MARCHF10: variants seen among roughly 807,000 people sequenced by gnomAD.
MARCHF10 encodes membrane associated ring-CH-type finger 10, also known as probable E3 ubiquitin-protein ligase MARCHF10.
Under a neutral mutation model 76.2 loss-of-function variants are expected in MARCHF10, and 64 were observed. That is an observed-to-expected ratio of 0.84 (90% CI 0.69 to 1.03). The LOEUF (loss-of-function observed/expected upper bound fraction) is 1.03, where lower values mean the gene tolerates loss of function less well. MARCHF10 is among the 50% of genes least tolerant of loss of function. The pLI, the probability that MARCHF10 is intolerant of heterozygous loss-of-function variation, is 0.00. For synonymous variants in MARCHF10, 340 were observed against 357.5 expected, an observed-to-expected ratio of 0.95 and a Z score of 0.55; for missense variants, 875 against 958.0, an observed-to-expected ratio of 0.91 and a Z score of 1.14.
chr17:62,744,312 C>A, intron 5 of MARCHF10, 64 bp downstream of exon 5: 1 of 1,529,090 alleles, frequency 6.5e-7, no homozygotes, highest in South Asian at 1.2e-5. Flanking sequence ...AAGAATTCAC[C>A]GGGTAACAGC....
chr17:62,757,694 G>A lies in MARCHF10; in HGVS notation c.382+2141C>T, dbSNP rs545982067. ...ACAGCCAGGCCACAGCCCTGCTGAC[G>A]TCTGCATGGGTCTTGGACGTGGTCT... On this transcript the variant is annotated intron_variant, in intron 4 of 10. Coordinates refer to ENST00000311269, the MANE Select transcript of MARCHF10 (RefSeq NM_152598.4). Among the ~76,000 whole-genome samples, 14 of 152,340 alleles carry A rather than the reference G, an allele frequency of 9.2e-5. No homozygotes were observed. The East Asian group carries it at 1.2e-3, about 13-fold the overall frequency.
intron 3 of MARCHF10, among the ~76,000 whole-genome samples, chr17:62,781,301 C>G (rs954295372): frequency 8.5e-5 from 13 of 152,154 alleles, no homozygotes; most frequent in Admixed American, 8.5e-4. Context: ...TATTTGGACA[C>G]CAAGGCAGTT....
intron 2 of MARCHF10, among the ~76,000 whole-genome samples, chr17:62,791,219 C>G (rs1455847644): frequency 6.6e-6 from 1 of 152,176 alleles, no homozygotes; most frequent in Non-Finnish European, 1.5e-5. Context: ...CTTTGTTGTT[C>G]CAATCCTTTT....
At chr17:62,757,841 T>C (rs1396052457) in intron 4 of MARCHF10, among the ~76,000 whole-genome samples, 1 of 152,190 alleles carries the variant, frequency 6.6e-6, no homozygotes. Flanking sequence ...ACCTGGTGTT[T>C]TTGTCTGGTA....
chr17:62,797,361 C>A (rs1242504285), intron 2 of MARCHF10, among the ~76,000 whole-genome samples: 1 of 152,100 alleles, frequency 6.6e-6, no homozygotes, highest in Non-Finnish European at 1.5e-5. Context: ...CCTGACACCA[C>A]GCCCAGCTAA....
At chr17:62,795,218 A>C (rs1007248160) in intron 2 of MARCHF10, among the ~76,000 whole-genome samples, 3 of 152,192 alleles carry the variant, frequency 2.0e-5, no homozygotes, top group African/African-American at 7.2e-5. Context: ...TGAATAAGTG[A>C]CATGAAATGA....
chr17:62,724,119 G>A (rs147200578), intron 7 of MARCHF10, among the ~76,000 whole-genome samples: 43 of 152,048 alleles, frequency 2.8e-4, no homozygotes, highest in African/African-American at 9.4e-4. Flanking sequence ...TGTTTTCAGA[G>A]ATGTGTGTCT....
intron 3 of MARCHF10, among the ~76,000 whole-genome samples, chr17:62,787,464 T>C (rs2092765479): frequency 6.6e-6 from 1 of 152,158 alleles, no homozygotes; most frequent in Non-Finnish European, 1.5e-5. Flanking sequence ...TAAATAGGAA[T>C]TCATAAAAGG....
chr17:62,734,802 C>A (rs905329853), intron 6 of MARCHF10, among the ~76,000 whole-genome samples: 5 of 152,076 alleles, frequency 3.3e-5, no homozygotes, highest in African/African-American at 1.2e-4. Context: ...CGAATAATAG[C>A]TGTTTAATGC....
At chr17:62,764,103 C>T (rs746502129) in intron 3 of MARCHF10, among the ~76,000 whole-genome samples, 4 of 152,020 alleles carry the variant, frequency 2.6e-5, no homozygotes, top group East Asian at 1.9e-4. Flanking sequence ...TGAATCTCCT[C>T]GGGAATGTGA....
At chr17:62,759,604 G>A (rs557418292) in intron 4 of MARCHF10, among the ~76,000 whole-genome samples, 4 of 152,108 alleles carry the variant, frequency 2.6e-5, no homozygotes, top group African/African-American at 7.2e-5. Flanking sequence ...TCAGCCTCCC[G>A]AGTAGCTGGG....
At chr17:62,710,593 C>T (rs2460286) in intron 9 of MARCHF10, among the ~76,000 whole-genome samples, 86 of 113,448 alleles carry the variant, frequency 7.6e-4, no homozygotes, top group African/African-American at 2.6e-3. Flanking sequence ...GAGTCTCATT[C>T]TGTCACCCAG....
At chr17:62,741,764 G>A (rs1459317972) in intron 5 of MARCHF10, among the ~76,000 whole-genome samples, 2 of 151,798 alleles carry the variant, frequency 1.3e-5, no homozygotes, top group Admixed American at 6.6e-5. Flanking sequence ...TGGTTATCTT[G>A]GCTCACTGCA....
At chr17:62,798,090 CAT>C (rs2093014107) in intron 2 of MARCHF10, among the ~76,000 whole-genome samples, 1 of 152,186 alleles carries the variant, frequency 6.6e-6, no homozygotes, top group African/African-American at 2.4e-5. Flanking sequence ...GGGAAATACA[CAT>C]ATGACTCTGA....
intron 4 of MARCHF10, among the ~76,000 whole-genome samples, chr17:62,753,597 C>T (rs1243575507): frequency 1.3e-5 from 2 of 152,208 alleles, no homozygotes; most frequent in Admixed American, 1.3e-4. Flanking sequence ...TGTAGCTCCT[C>T]GATATGTGTC....
chr17:62,711,154 G>A lies in MARCHF10; in HGVS notation c.2328+77C>T. 3.3e-6 allele frequency: 4 copies of A among 1,203,228 alleles called. No individual in the cohort carries two copies. Among genetic ancestry groups the A allele is most frequent in the East Asian group, 2.3e-5 (1 of 42,760 alleles). 74.5% of individuals were successfully genotyped at this position (1,203,228 alleles called of 1,614,324 possible). ...CCAAGCGACCGTGAGGACCTCAACA[G>A]CTTGCACATCTAATAAACAGCACTG... On this transcript the variant is annotated intron_variant, in intron 9 of 10. Transcript: ENST00000311269. This position sits in a 1 kb window ranked among gnomAD's most constrained non-coding sequence, Gnocchi z 4.4.
At chr17:62,798,700 G>A (rs1165502086) in intron 2 of MARCHF10, among the ~76,000 whole-genome samples, 1 of 152,160 alleles carries the variant, frequency 6.6e-6, no homozygotes, top group Non-Finnish European at 1.5e-5. Context: ...GATGAGGCAG[G>A]AAGAAGCCAG....
At chr17:62,783,161 T>A (rs538095013) in intron 3 of MARCHF10, among the ~76,000 whole-genome samples, 2 of 149,470 alleles carry the variant, frequency 1.3e-5, no homozygotes, top group Non-Finnish European at 3.0e-5. Flanking sequence ...ACATAAAATA[T>A]CCTGTCCTCA....
chr17:62,739,494 G>A (rs1011921767), intron 5 of MARCHF10, among the ~76,000 whole-genome samples: 5 of 150,886 alleles, frequency 3.3e-5, no homozygotes, highest in Admixed American at 1.3e-4. Flanking sequence ...CAATTCTCCT[G>A]CCTCACCCTC....
Sources: gnomAD v4.1 joint callset for allele counts (sites outside exome capture counted in the v4.1 genomes callset) on GRCh38, gnomAD v4.1.1 for gene constraint, Gnocchi (gnomAD v3.1) non-coding constraint, MANE v1.5 for transcripts, NCBI Gene and HGNC (gene_info 2026-07-23, HGNC 2026-07-21) for gene names.